The following ANO3 variants were observed in gnomAD, a reference collection of about 807,000 sequenced individuals.
ANO3 encodes anoctamin-3.
In ANO3, 99 loss-of-function variants were observed where a neutral mutation model predicts 144.8. The observed-to-expected ratio is 0.68, with a 90% CI of 0.58 to 0.81. ANO3 has a LOEUF of 0.81. Among genes scored for constraint, ANO3 ranks in the 30% least tolerant of loss-of-function variants. ANO3 has a pLI of 0.00. For missense variants in ANO3, 905 were observed against 1,202.2 expected (o/e 0.75, Z 3.66); for synonymous variants, 414 against 392.6 (o/e 1.05, Z -0.64).
intron 14 of ANO3, chr11:26,566,937 G>C: frequency 2.1e-6 from 2 of 943,838 alleles, no homozygotes; most frequent in Non-Finnish European, 2.9e-6. Flanking sequence ...ACAAGATCTA[G>C]CCTAAAGTAA....
intron 5 of ANO3, among the ~76,000 whole-genome samples, chr11:26,515,259 C>T (rs1169938901): frequency 6.6e-6 from 1 of 151,964 alleles, no homozygotes; most frequent in Non-Finnish European, 1.5e-5. Flanking sequence ...TTGCAAAATA[C>T]TAGTGTCTCA....
intron 3 of ANO3, among the ~76,000 whole-genome samples, chr11:26,453,998 G>A (rs923442454): frequency 1.5e-4 from 23 of 151,948 alleles, no homozygotes; most frequent in African/African-American, 5.1e-4. Context: ...ACGAAATGAA[G>A]GCAGAAATAA....
upstream of ANO3, among the ~76,000 whole-genome samples, chr11:26,330,132 G>A (rs1371367942): frequency 1.3e-5 from 2 of 152,136 alleles, no homozygotes; most frequent in Non-Finnish European, 2.9e-5. Flanking sequence ...GTAAGTATTG[G>A]GTGTTAGTTT....
intron 17 of ANO3, among the ~76,000 whole-genome samples, chr11:26,608,601 G>A (rs1427964570): frequency 1.3e-5 from 2 of 152,092 alleles, no homozygotes; most frequent in Non-Finnish European, 2.9e-5. Flanking sequence ...TGGGGACCCA[G>A]GCCCAGGGAG....
At chr11:26,552,000 T>C (rs1457973714) in intron 12 of ANO3, among the ~76,000 whole-genome samples, 1 of 152,008 alleles carries the variant, frequency 6.6e-6, no homozygotes, top group African/African-American at 2.4e-5. Context: ...TATCTCTCTT[T>C]TAGATATAGT....
intron 1 of ANO3, among the ~76,000 whole-genome samples, chr11:26,377,740 C>G: frequency 6.6e-6 from 1 of 151,936 alleles, no homozygotes; most frequent in East Asian, 1.9e-4. Context: ...AGTAAAACTG[C>G]AGAATTTAAG....
chr11:26,564,173 T>C (rs1028383841), intron 14 of ANO3, among the ~76,000 whole-genome samples: 4 of 151,732 alleles, frequency 2.6e-5, no homozygotes, highest in African/African-American at 9.7e-5. Flanking sequence ...TCTCAATATG[T>C]ATATTAGGTT....
intron 1 of ANO3, chr11:26,286,049 C>T (rs1002093925): frequency 6.6e-6 from 1 of 152,174 alleles, no homozygotes; most frequent in Admixed American, 6.5e-5. Flanking sequence ...GCAAATGACA[C>T]TTCTTGAATC....
chr11:26,608,475 G>T (rs1025036085), intron 17 of ANO3, among the ~76,000 whole-genome samples: 1 of 152,150 alleles, frequency 6.6e-6, no homozygotes, highest in Non-Finnish European at 1.5e-5. Context: ...CTTGGTGGAG[G>T]GGGTGTGCTT....
At chr11:26,238,724 GATGTGT>G (rs2133809060) in intron 1 of ANO3, among the ~76,000 whole-genome samples, 1 of 152,052 alleles carries the variant, frequency 6.6e-6, no homozygotes, top group African/African-American at 2.4e-5. Context: ...GAAGGTGATC[GATGTGT>G]ATGAAATAAA....
chr11:26,598,288 A>T (rs567114934), intron 14 of ANO3, 77 bp from the exon 15 acceptor site: 2 of 662,026 alleles, frequency 3.0e-6, no homozygotes, highest in Admixed American at 3.1e-5. Context: ...TAATTATGAG[A>T]TAAGATATCT....
At chr11:26,369,627 A>T (rs896599599) in intron 1 of ANO3, among the ~76,000 whole-genome samples, 1 of 152,284 alleles carries the variant, frequency 6.6e-6, no homozygotes, top group African/African-American at 2.4e-5. Context: ...CTTTTTTTCA[A>T]CATGGTCTGA....
At chr11:26,649,747 T>A (rs4354650) in intron 24 of ANO3, among the ~76,000 whole-genome samples, 50,054 of 139,084 alleles carry the variant, frequency 0.36, 8,554 homozygotes, top group African/African-American at 0.44. Flanking sequence ...AAAAAAAAAA[T>A]ATATATTCAT....
chr11:26,279,018 G>A (rs1853619889), intron 1 of ANO3, among the ~76,000 whole-genome samples: 2 of 152,106 alleles, frequency 1.3e-5, no homozygotes, highest in African/African-American at 4.8e-5. Flanking sequence ...GAGAGGTCAG[G>A]GAAGTTCCAG....
intron 1 of ANO3, among the ~76,000 whole-genome samples, chr11:26,353,124 C>T (rs767954000): frequency 1.1e-4 from 17 of 152,242 alleles, no homozygotes; most frequent in Non-Finnish European, 1.8e-4. Flanking sequence ...TCTTTAATCA[C>T]GAGGTGGAAT....
intron 1 of ANO3, among the ~76,000 whole-genome samples, chr11:26,216,235 A>G (rs11029396): frequency 1.3e-5 from 2 of 152,018 alleles, no homozygotes; most frequent in Non-Finnish European, 2.9e-5. Flanking sequence ...TCACAAATGC[A>G]TAATAGCATG....
intron 11 of ANO3, among the ~76,000 whole-genome samples, chr11:26,546,069 C>A (rs1051426436): frequency 1.3e-5 from 2 of 151,850 alleles, no homozygotes; most frequent in Non-Finnish European, 2.9e-5. Context: ...TTTGTCTGTG[C>A]AACCCTCTGT....
intron 1 of ANO3, among the ~76,000 whole-genome samples, chr11:26,421,357 CT>C (rs1857746810): frequency 6.6e-6 from 1 of 151,858 alleles, no homozygotes; most frequent in East Asian, 1.9e-4. Flanking sequence ...TCCATTTATG[CT>C]TTTTTCTTCA....
chr11:26,538,848 A>T (rs979046285), intron 10 of ANO3, among the ~76,000 whole-genome samples: 1 of 152,154 alleles, frequency 6.6e-6, no homozygotes, highest in African/African-American at 2.4e-5. Context: ...TGGGCTCAGG[A>T]ATTTTCTGTT....
Sources: gnomAD v4.1 joint callset for allele counts (sites outside exome capture counted in the v4.1 genomes callset) on GRCh38, gnomAD v4.1.1 for gene constraint, MANE v1.5 for transcripts, NCBI Gene and HGNC (gene_info 2026-07-23, HGNC 2026-07-21) for gene names.